Variants in GLIS1 observed in about 807,000 individuals in gnomAD.
GLIS1 encodes zinc finger protein GLIS1.
In GLIS1, 24 loss-of-function variants were observed where a neutral mutation model predicts 63.8. The observed-to-expected ratio is 0.38, with a 90% CI of 0.27 to 0.53. The LOEUF is 0.53. Among genes scored for constraint, GLIS1 ranks in the 20% least tolerant of loss-of-function variants. The pLI is 0.85. For missense variants in GLIS1, 1,036 were observed against 1,074.1 expected (o/e 0.96, Z 0.50); for synonymous variants, 450 against 482.5 (o/e 0.93, Z 0.88).
At chr1:53,601,883 C>T (rs1015155646) in intron 2 of GLIS1, among the ~76,000 whole-genome samples, 1 of 152,234 alleles carries the variant, frequency 6.6e-6, no homozygotes, top group Non-Finnish European at 1.5e-5. Flanking sequence ...GCACTCAGTG[C>T]TAACTAGCCA....
intron 6 of GLIS1, among the ~76,000 whole-genome samples, 163 bp downstream of exon 6, chr1:53,524,613 CA>C (rs1644444869): frequency 6.6e-6 from 1 of 152,078 alleles, no homozygotes; most frequent in Admixed American, 6.5e-5. Context: ...ACACTAAGGG[CA>C]GGTGGGAAGT....
At chr1:53,654,739 G>A (rs547151250) in intron 2 of GLIS1, among the ~76,000 whole-genome samples, 234 of 152,236 alleles carry the variant, frequency 1.5e-3, no homozygotes, top group African/African-American at 5.2e-3. Flanking sequence ...ACTGCAGCCC[G>A]GCCAGCCCTC....
chr1:53,655,785 C>T (rs4927023), intron 2 of GLIS1, among the ~76,000 whole-genome samples: 66,917 of 152,108 alleles, frequency 0.44, 17,223 homozygotes, highest in Non-Finnish European at 0.56. Flanking sequence ...TGCTGGTTTA[C>T]TTGTTACACC....
At chr1:53,709,442 ACTT>A in intron 2 of GLIS1, among the ~76,000 whole-genome samples, 1 of 149,298 alleles carries the variant, frequency 6.7e-6, no homozygotes, top group South Asian at 2.1e-4. Flanking sequence ...ACACACACAC[ACTT>A]GTTGATGGTG....
intron 4 of GLIS1, among the ~76,000 whole-genome samples, chr1:53,583,506 T>A (rs998655260): frequency 2.0e-5 from 3 of 152,106 alleles, no homozygotes; most frequent in African/African-American, 7.2e-5. Flanking sequence ...CATTGCCCCA[T>A]CCCCAGGAAA....
At chr1:53,607,716 C>T (rs2100565378) in intron 2 of GLIS1, among the ~76,000 whole-genome samples, 1 of 152,162 alleles carries the variant, frequency 6.6e-6, no homozygotes, top group East Asian at 1.9e-4. Context: ...GATGGCTTCC[C>T]CAGTGTACTA....
chr1:53,671,340 G>T lies in GLIS1; in HGVS notation c.259+66466C>A, dbSNP rs184403226. On this transcript the variant is annotated intron_variant, in intron 2 of 10. Transcript: ENST00000628545. ...AGATCTCAAGCTCCATTTACCAGAA[G>T]AAAAATGTTCAGGTGAAAATACTCT... Among the ~76,000 whole-genome samples the T allele has an allele frequency of 8.5e-5, 13 of 152,312 alleles. 1 individual carries two copies. The South Asian group carries it at 1.4e-3, about 17-fold the overall frequency.
At chr1:53,734,411 G>A (rs537871698) in intron 2 of GLIS1, among the ~76,000 whole-genome samples, 1 of 152,176 alleles carries the variant, frequency 6.6e-6, no homozygotes, top group Non-Finnish European at 1.5e-5. Context: ...GGAACGTTCA[G>A]AAGGCCTTCG....
chr1:53,703,023 C>T lies in GLIS1; in HGVS notation c.259+34783G>A, dbSNP rs192327808. ...CAAAGTCGGCCAGACCCAGGCTCCC[C>T]AATCTCTGCTCTGCCACTCGCCAGC... On this transcript the variant is annotated intron_variant, in intron 2 of 10. Transcript: ENST00000628545. Among the ~76,000 whole-genome samples, 174 of 152,352 alleles carry T rather than the reference C, an allele frequency of 1.1e-3. 1 individual carries two copies. The highest frequency in any genetic ancestry group is 4.0e-3 in the African/African-American group (167 of 41,588).
chr1:53,588,520 T>C (rs1645158431), intron 4 of GLIS1, among the ~76,000 whole-genome samples: 2 of 152,214 alleles, frequency 1.3e-5, no homozygotes, highest in South Asian at 4.1e-4. Flanking sequence ...CCCTGTTCTC[T>C]GTCTGTATGT....
chr1:53,698,276 T>C (rs1646487541), intron 2 of GLIS1, among the ~76,000 whole-genome samples: 1 of 152,108 alleles, frequency 6.6e-6, no homozygotes, highest in South Asian at 2.1e-4. Flanking sequence ...CTCCAGAGGA[T>C]GACGCAGAAG....
chr1:53,556,418 G>GCAT (rs1644827669), intron 4 of GLIS1, among the ~76,000 whole-genome samples: 1 of 129,382 alleles, frequency 7.7e-6, no homozygotes, highest in Non-Finnish European at 1.6e-5. Context: ...GTGTACTGTA[G>GCAT]GTATGTGTGT....
chr1:53,643,499 C>A (rs1426472545), intron 2 of GLIS1, among the ~76,000 whole-genome samples: 2 of 152,192 alleles, frequency 1.3e-5, no homozygotes, highest in African/African-American at 4.8e-5. Flanking sequence ...AGCTATGTGT[C>A]CATCTGGGCC....
chr1:53,659,713 C>T (rs548039088), intron 2 of GLIS1, among the ~76,000 whole-genome samples: 6 of 152,338 alleles, frequency 3.9e-5, no homozygotes, highest in African/African-American at 1.4e-4. Flanking sequence ...CGCCTGGACC[C>T]ACCCCCACCA....
At chr1:53,552,350 C>A (rs1644768968) in intron 4 of GLIS1, among the ~76,000 whole-genome samples, 2 of 152,030 alleles carry the variant, frequency 1.3e-5, no homozygotes, top group South Asian at 4.2e-4. Context: ...CAGCTCTACA[C>A]AGCATGGCCC....
intron 2 of GLIS1, among the ~76,000 whole-genome samples, chr1:53,735,953 C>G (rs1022810691): frequency 6.6e-6 from 1 of 152,204 alleles, no homozygotes; most frequent in African/African-American, 2.4e-5. Flanking sequence ...CCTTCCCTTT[C>G]TCCCTAGGCC....
chr1:53,698,218 C>T (rs1263301294), intron 2 of GLIS1, among the ~76,000 whole-genome samples: 1 of 152,178 alleles, frequency 6.6e-6, no homozygotes, highest in Non-Finnish European at 1.5e-5. Flanking sequence ...GGACCTTAGG[C>T]CACAGCTCTG....
intron 4 of GLIS1, among the ~76,000 whole-genome samples, chr1:53,531,479 A>T (rs1374354132): frequency 6.6e-6 from 1 of 152,156 alleles, no homozygotes; most frequent in Non-Finnish European, 1.5e-5. Flanking sequence ...AGACCCTGTG[A>T]TCCACCTGGC....
intron 2 of GLIS1, among the ~76,000 whole-genome samples, chr1:53,645,638 C>A (rs184533629): frequency 1.3e-5 from 2 of 152,358 alleles, no homozygotes; most frequent in East Asian, 3.9e-4. Flanking sequence ...TACAGGCCAA[C>A]ATGGGAAGAA....
Sources: gnomAD v4.1 joint callset for allele counts (sites outside exome capture counted in the v4.1 genomes callset) on GRCh38, gnomAD v4.1.1 for gene constraint, MANE v1.5 for transcripts, NCBI Gene and HGNC (gene_info 2026-07-23, HGNC 2026-07-21) for gene names.